The following ADAMTS3 variants were observed in gnomAD, a reference collection of about 807,000 sequenced individuals.
ADAMTS3 encodes A disintegrin and metalloproteinase with thrombospondin motifs 3.
A neutral mutation model predicts 129.0 loss-of-function variants in ADAMTS3; 73 were observed. The ratio of observed to expected loss-of-function variants is 0.57; its 90% CI spans 0.47 to 0.69. The LOEUF is 0.69. Ranked by LOEUF, ADAMTS3 falls within the 30% of genes least tolerant of loss-of-function variation. The pLI is 0.00. For missense variants in ADAMTS3, 1,457 were observed against 1,514.5 expected, an observed-to-expected ratio of 0.96 and a Z score of 0.63; for synonymous variants, 477 against 510.8, an observed-to-expected ratio of 0.93 and a Z score of 0.89.
chr4:72,462,611 A>C (rs1234823828), intron 3 of ADAMTS3, among the ~76,000 whole-genome samples: 1 of 151,918 alleles, frequency 6.6e-6, no homozygotes, highest in Non-Finnish European at 1.5e-5. Flanking sequence ...TCCTGATCCC[A>C]TGTAGGCCGA....
chr4:72,529,008 T>C (rs1002282763), intron 3 of ADAMTS3, among the ~76,000 whole-genome samples: 8 of 152,112 alleles, frequency 5.3e-5, no homozygotes, highest in African/African-American at 1.9e-4. Context: ...GGTAGAGTAA[T>C]CAGGGTTTCT....
chr4:72,385,368 G>A (rs1466017717), intron 4 of ADAMTS3, among the ~76,000 whole-genome samples: 1 of 152,000 alleles, frequency 6.6e-6, no homozygotes, highest in East Asian at 1.9e-4. Flanking sequence ...GAGAAGCTAA[G>A]ATGGAATTAC....
intron 3 of ADAMTS3, among the ~76,000 whole-genome samples, chr4:72,492,597 A>C (rs1217137928): frequency 6.6e-6 from 1 of 151,478 alleles, no homozygotes; most frequent in African/African-American, 2.4e-5. Context: ...AATGATTTTT[A>C]TTTTCTTAAA....
At chr4:72,524,753 C>T (rs1720766277) in intron 3 of ADAMTS3, among the ~76,000 whole-genome samples, 1 of 152,090 alleles carries the variant, frequency 6.6e-6, no homozygotes, top group Non-Finnish European at 1.5e-5. Context: ...ATATAACTGG[C>T]ATACGCTTCA....
intron 4 of ADAMTS3, among the ~76,000 whole-genome samples, chr4:72,344,006 C>A (rs138396591): frequency 0.011 from 1,676 of 152,174 alleles, 16 homozygotes; most frequent in Middle Eastern, 0.017. Context: ...CTTTTGTGCA[C>A]CCCCTAGTTT....
chr4:72,526,847 T>G (rs1720830237), intron 3 of ADAMTS3, among the ~76,000 whole-genome samples: 1 of 145,228 alleles, frequency 6.9e-6, no homozygotes, highest in African/African-American at 2.6e-5. Flanking sequence ...CTGCCCACAC[T>G]ATCTCAAATA....
chr4:72,480,755 C>T lies in ADAMTS3; in HGVS notation c.505-65784G>A, dbSNP rs193000973. On this transcript the variant is annotated intron_variant, in intron 3 of 21. Coordinates refer to ENST00000286657, the MANE Select transcript of ADAMTS3 (RefSeq NM_014243.3). The stretch of plus-strand genomic sequence containing the variant: ...CAAGAGGAAATAAAAGGCATGTATA[C>T]TGGAAAAAAAAAAAACTACCCCTAT... 2.1e-3 allele frequency among the ~76,000 whole-genome samples: 307 copies of T among 147,352 alleles called. 3 individuals carry two copies. The highest frequency in any genetic ancestry group is 7.3e-3 in the African/African-American group (296 of 40,344).
At chr4:72,533,166 T>G (rs1382500995) in intron 3 of ADAMTS3, among the ~76,000 whole-genome samples, 1 of 152,192 alleles carries the variant, frequency 6.6e-6, no homozygotes, top group Non-Finnish European at 1.5e-5. Context: ...ATTTTCTTTA[T>G]ATACCTATTC....
chr4:72,559,135 T>C (rs751501588), intron 2 of ADAMTS3, among the ~76,000 whole-genome samples: 2 of 151,488 alleles, frequency 1.3e-5, no homozygotes, highest in African/African-American at 4.9e-5. Flanking sequence ...TCCATGAGAG[T>C]ATCATTTGAA....
intron 19 of ADAMTS3, among the ~76,000 whole-genome samples, chr4:72,293,462 T>C (rs1395403314): frequency 1.3e-5 from 2 of 152,128 alleles, no homozygotes; most frequent in Non-Finnish European, 2.9e-5. Context: ...TAAAAATCCA[T>C]CTGTGAAATG....
chr4:72,385,233 A>G (rs1721416116), intron 4 of ADAMTS3, among the ~76,000 whole-genome samples: 1 of 152,064 alleles, frequency 6.6e-6, no homozygotes, highest in South Asian at 2.1e-4. Flanking sequence ...GTGATTACAA[A>G]GTTTTCACAT....
At chr4:72,413,979 A>G (rs1249814682) in intron 4 of ADAMTS3, among the ~76,000 whole-genome samples, 6 of 151,948 alleles carry the variant, frequency 3.9e-5, no homozygotes, top group Non-Finnish European at 8.8e-5. Context: ...ACTAATGACT[A>G]GGTAGCAAGT....
At chr4:72,361,867 TAG>T (rs1720736750) in intron 4 of ADAMTS3, among the ~76,000 whole-genome samples, 1 of 152,082 alleles carries the variant, frequency 6.6e-6, no homozygotes, top group African/African-American at 2.4e-5. Flanking sequence ...TTACAATTAT[TAG>T]CAAAATTTTA....
At chr4:72,496,067 T>C (rs963281141) in intron 3 of ADAMTS3, among the ~76,000 whole-genome samples, 3 of 152,146 alleles carry the variant, frequency 2.0e-5, no homozygotes, top group Admixed American at 2.0e-4. Flanking sequence ...TTGAAATGAG[T>C]TGTAAATCTG....
intron 6 of ADAMTS3, among the ~76,000 whole-genome samples, chr4:72,321,458 T>C (rs776283276): frequency 2.8e-4 from 42 of 152,110 alleles, no homozygotes; most frequent in Admixed American, 9.8e-4. Flanking sequence ...ATGGGAATGT[T>C]TGATACTGAG....
At chr4:72,340,618 AT>A (rs1288620540) in intron 4 of ADAMTS3, among the ~76,000 whole-genome samples, 1 of 151,964 alleles carries the variant, frequency 6.6e-6, no homozygotes, top group Admixed American at 6.6e-5. Context: ...AGAAACTTAC[AT>A]TTTTTTACTT....
At chr4:72,459,874 T>C (rs1578700433) in intron 3 of ADAMTS3, among the ~76,000 whole-genome samples, 1 of 151,626 alleles carries the variant, frequency 6.6e-6, no homozygotes, top group South Asian at 2.1e-4. Context: ...TTACATTTCA[T>C]ATATATCTTA....
chr4:72,378,142 C>T (rs1350497634), intron 4 of ADAMTS3, among the ~76,000 whole-genome samples: 4 of 152,134 alleles, frequency 2.6e-5, no homozygotes, highest in Middle Eastern at 3.2e-3. Context: ...AGACATGTTT[C>T]TTGCTAAAAT....
intron 3 of ADAMTS3, among the ~76,000 whole-genome samples, chr4:72,484,650 C>G (rs1719530894): frequency 6.6e-6 from 1 of 152,162 alleles, no homozygotes; most frequent in South Asian, 2.1e-4. Flanking sequence ...CTGCAGTGCT[C>G]TCATTTGTCA....
Sources: allele counts gnomAD v4.1 joint callset (sites outside exome capture counted in the v4.1 genomes callset), GRCh38; gene constraint gnomAD v4.1.1; transcripts MANE v1.5; gene names NCBI Gene and HGNC (gene_info 2026-07-23, HGNC 2026-07-21).